The following CSMD1 variants were observed in gnomAD, a reference collection of about 807,000 sequenced individuals.
The protein encoded by CSMD1 is CUB and sushi domain-containing protein 1.
A neutral mutation model predicts 417.5 loss-of-function variants in CSMD1; 213 were observed. The observed-to-expected ratio is 0.51, with a 90% CI of 0.46 to 0.57. The LOEUF (loss-of-function observed/expected upper bound fraction) is 0.57, where lower values mean the gene tolerates loss of function less well. CSMD1 is among the 20% of genes least tolerant of loss of function. The pLI is 0.00. For synonymous variants in CSMD1, 2,862 were observed against 1,736.8 expected (o/e 1.65, Z -16.11); for missense variants, 6,923 against 4,529.7 (o/e 1.53, Z -15.17).
chr8:4,726,340 T>A (rs1379034352), intron 1 of CSMD1, among the ~76,000 whole-genome samples: 1 of 151,884 alleles, frequency 6.6e-6, no homozygotes. Flanking sequence ...CTTTTTGTAT[T>A]CCTGAAAGAT....
intron 7 of CSMD1, among the ~76,000 whole-genome samples, chr8:3,640,255 T>A (rs1292936513): frequency 6.6e-6 from 1 of 152,190 alleles, no homozygotes; most frequent in Non-Finnish European, 1.5e-5. Flanking sequence ...AAAGATCAAA[T>A]AAATTCACTG....
chr8:3,996,185 T>G (rs941664427), intron 5 of CSMD1, among the ~76,000 whole-genome samples: 1 of 144,300 alleles, frequency 6.9e-6, no homozygotes, highest in East Asian at 2.0e-4. Context: ...CCTCACTTGC[T>G]TCTACCTCTC....
At chr8:4,357,565 T>A (rs1246060536) in intron 3 of CSMD1, among the ~76,000 whole-genome samples, 1 of 152,208 alleles carries the variant, frequency 6.6e-6, no homozygotes, top group Non-Finnish European at 1.5e-5. Context: ...AAAAAATCTG[T>A]CATTCTCCAT....
intron 3 of CSMD1, among the ~76,000 whole-genome samples, chr8:4,273,184 C>A (rs759337471): frequency 6.6e-6 from 1 of 152,216 alleles, no homozygotes; most frequent in South Asian, 2.1e-4. Flanking sequence ...TTGGATAACT[C>A]ATTTGTAAGA....
intron 2 of CSMD1, among the ~76,000 whole-genome samples, chr8:4,602,587 A>G (rs1050234233): frequency 1.3e-5 from 2 of 152,162 alleles, no homozygotes; most frequent in African/African-American, 4.8e-5. Flanking sequence ...ACGTGCCTAC[A>G]AGTAAAGAAA....
At chr8:4,517,903 T>C (rs542221345) in intron 2 of CSMD1, among the ~76,000 whole-genome samples, 3 of 152,196 alleles carry the variant, frequency 2.0e-5, no homozygotes, top group Middle Eastern at 3.2e-3. Flanking sequence ...GGGTGTCTAG[T>C]AACAGTCTAA....
At chr8:4,881,538 T>A (rs970287911) in intron 1 of CSMD1, among the ~76,000 whole-genome samples, 1 of 151,006 alleles carries the variant, frequency 6.6e-6, no homozygotes, top group African/African-American at 2.4e-5. Flanking sequence ...AGTTAGTTTT[T>A]TTTTTTTTTT....
At chr8:4,831,627 T>C (rs1296700077) in intron 1 of CSMD1, among the ~76,000 whole-genome samples, 9 of 152,172 alleles carry the variant, frequency 5.9e-5, no homozygotes, top group Non-Finnish European at 1.0e-4. Context: ...CACTCTTTCT[T>C]TCGCTTTGGA....
chr8:3,878,422 C>T (rs1406407663), intron 5 of CSMD1, among the ~76,000 whole-genome samples: 1 of 152,096 alleles, frequency 6.6e-6, no homozygotes, highest in African/African-American at 2.4e-5. Context: ...ACAATAATAT[C>T]AACAATGATA....
intron 5 of CSMD1, among the ~76,000 whole-genome samples, chr8:3,984,755 GTA>G (rs1814190164): frequency 2.7e-5 from 3 of 109,392 alleles, no homozygotes; most frequent in African/African-American, 1.0e-4. Flanking sequence ...ATATATATTT[GTA>G]TGTATTTGTG....
chr8:3,486,703 G>C (rs1818055064), intron 11 of CSMD1, among the ~76,000 whole-genome samples: 1 of 152,198 alleles, frequency 6.6e-6, no homozygotes, highest in African/African-American at 2.4e-5. Context: ...GGGACCTATG[G>C]CTTCTTCTTC....
intron 41 of CSMD1, among the ~76,000 whole-genome samples, chr8:3,119,368 T>C (rs75042978): frequency 7.0e-6 from 1 of 142,172 alleles, no homozygotes. Context: ...CCATTGCAGT[T>C]TTTTTAGTCT....
intron 5 of CSMD1, among the ~76,000 whole-genome samples, chr8:3,844,296 T>C (rs1803340092): frequency 6.6e-6 from 1 of 152,114 alleles, no homozygotes; most frequent in African/African-American, 2.4e-5. Flanking sequence ...TCAAGGAAAA[T>C]TAATAACAGC....
At chr8:4,947,007 A>T (rs1808414377) in intron 1 of CSMD1, among the ~76,000 whole-genome samples, 1 of 152,168 alleles carries the variant, frequency 6.6e-6, no homozygotes, top group African/African-American at 2.4e-5. Context: ...CCAAATGCTA[A>T]ACAATCAGCA....
At chr8:4,024,407 A>G (rs184421301) in intron 4 of CSMD1, among the ~76,000 whole-genome samples, 1 of 152,284 alleles carries the variant, frequency 6.6e-6, no homozygotes, top group East Asian at 1.9e-4. Flanking sequence ...CTTTCATGGG[A>G]AAACTTTATT....
At chr8:4,731,347 A>T (rs551687831) in intron 1 of CSMD1, among the ~76,000 whole-genome samples, 1 of 152,260 alleles carries the variant, frequency 6.6e-6, no homozygotes, top group African/African-American at 2.4e-5. Flanking sequence ...CTTACCGGCC[A>T]TTCAGGGACT....
chr8:3,781,104 A>T (rs566014779), intron 5 of CSMD1, among the ~76,000 whole-genome samples: 1 of 152,292 alleles, frequency 6.6e-6, no homozygotes, highest in East Asian at 1.9e-4. Context: ...AAACTGTTTC[A>T]AGAAGCCAAA....
intron 2 of CSMD1, among the ~76,000 whole-genome samples, chr8:4,484,395 C>G (rs780002790): frequency 3.9e-5 from 6 of 152,044 alleles, no homozygotes; most frequent in Admixed American, 1.3e-4. Context: ...CTCTCATTCA[C>G]GAACTATATC....
rs117282556 is a variant in CSMD1, at chr8:2,989,067, C to G, written c.8377+8944G>C. 8.3e-3 allele frequency among the ~76,000 whole-genome samples: 1,270 copies of G among 152,290 alleles called. 11 individuals are homozygous for G. Among genetic ancestry groups the G allele is most frequent in the South Asian group, 0.014 (66 of 4,826 alleles). ...AGTAGTTAGGAAAAGAATGCAAAGA[C>G]AACAGCACATTTATGTGAGATACAA... is the stretch of plus-strand genomic sequence containing the variant. On this transcript the variant is annotated intron_variant, in intron 54 of 69. Coordinates refer to ENST00000635120, the MANE Select transcript of CSMD1 (RefSeq NM_033225.6).
Sources: gnomAD v4.1 joint callset for allele counts (sites outside exome capture counted in the v4.1 genomes callset) on GRCh38, gnomAD v4.1.1 for gene constraint, MANE v1.5 for transcripts, NCBI Gene and HGNC (gene_info 2026-07-23, HGNC 2026-07-21) for gene names.